The following CPM variants were observed in gnomAD, a reference collection of about 807,000 sequenced individuals.
CPM encodes the protein renal carboxypeptidase.
In CPM, 35 loss-of-function variants were observed where a neutral mutation model predicts 46.4. That is an observed-to-expected ratio of 0.75 (90% confidence interval 0.58 to 1.00). The LOEUF (loss-of-function observed/expected upper bound fraction) is 1.00, where lower values mean the gene tolerates loss of function less well. Among genes scored for constraint, CPM ranks in the 50% least tolerant of loss-of-function variants. The pLI, the probability that CPM is intolerant of heterozygous loss-of-function variation, is 0.00. For synonymous variants in CPM, 195 were observed against 195.3 expected (o/e 1.00, Z 0.01); for missense variants, 422 against 530.4 (o/e 0.80, Z 2.01).
chr12:68,849,232 G>C (rs888233655), downstream of CPM: 4 of 151,658 alleles, frequency 2.6e-5, no homozygotes, highest in Non-Finnish European at 5.9e-5. Flanking sequence ...TAGGATTACA[G>C]GGGTCCACCA....
At chr12:68,932,586 G>A (rs1888554497) in intron 2 of CPM, 92 bp downstream of exon 2, 3 of 1,462,736 alleles carry the variant, frequency 2.1e-6, no homozygotes, top group South Asian at 1.2e-5. Flanking sequence ...GAGTAGGTGC[G>A]TGGAAGAGCA....
At chr12:68,910,982 C>T (rs564890375) in intron 2 of CPM, among the ~76,000 whole-genome samples, 33 of 152,148 alleles carry the variant, frequency 2.2e-4, no homozygotes, top group Admixed American at 1.8e-3. Context: ...AAAAAAAATA[C>T]CTTGTTTTTC....
At chr12:68,959,417 A>C (rs1050402612) in intron 1 of CPM, among the ~76,000 whole-genome samples, 5 of 152,228 alleles carry the variant, frequency 3.3e-5, no homozygotes, top group Admixed American at 2.0e-4. Flanking sequence ...TATTGTAAAA[A>C]AAAAAATTAC....
chr12:68,845,136 T>G (rs1264367673), intron 5 of CPM: 3 of 223,720 alleles, frequency 1.3e-5, no homozygotes, highest in African/African-American at 6.7e-5. Context: ...AAGTTGTTAA[T>G]GGCATTGTGA....
chr12:68,927,114 T>A (rs1440921989), intron 2 of CPM, among the ~76,000 whole-genome samples: 91 of 151,922 alleles, frequency 6.0e-4, no homozygotes, highest in Non-Finnish European at 9.4e-4. Context: ...GTATTTCTAG[T>A]TCTAGATCCC....
intron 2 of CPM, among the ~76,000 whole-genome samples, chr12:68,922,591 C>A (rs1888081880): frequency 6.6e-6 from 1 of 150,746 alleles, no homozygotes; most frequent in South Asian, 2.1e-4. Context: ...AAGCCAGCTC[C>A]AAGGCAATTT....
At chr12:68,893,581 G>A (rs1886745974) in intron 2 of CPM, among the ~76,000 whole-genome samples, 1 of 152,154 alleles carries the variant, frequency 6.6e-6, no homozygotes, top group South Asian at 2.1e-4. Flanking sequence ...TGAAGGGGCT[G>A]GGCTATTTCT....
upstream of CPM, among the ~76,000 whole-genome samples, chr12:68,934,412 T>C (rs1041899167): frequency 6.6e-6 from 1 of 152,198 alleles, no homozygotes; most frequent in East Asian, 1.9e-4. Flanking sequence ...CTTACAGATA[T>C]AGATACTTTT....
intron 2 of CPM, among the ~76,000 whole-genome samples, chr12:68,919,978 A>G (rs1402218652): frequency 6.6e-6 from 1 of 152,202 alleles, no homozygotes; most frequent in African/African-American, 2.4e-5. Flanking sequence ...CGTTTGGGTC[A>G]TGGGAGTGGA....
chr12:68,907,007 A>G (rs1887379915), intron 2 of CPM, among the ~76,000 whole-genome samples: 1 of 152,174 alleles, frequency 6.6e-6, no homozygotes, highest in South Asian at 2.1e-4. Flanking sequence ...CACATCTTAT[A>G]CCTGAAGGCA....
At chr12:68,935,341 G>A (rs1237828419), upstream of CPM, among the ~76,000 whole-genome samples, 3 of 152,036 alleles carry the variant, frequency 2.0e-5, no homozygotes, top group East Asian at 5.8e-4. Context: ...GCTCACTGCA[G>A]CCTCTGCCTT....
At chr12:68,921,460 G>T (rs1317786260) in intron 2 of CPM, among the ~76,000 whole-genome samples, 3 of 152,164 alleles carry the variant, frequency 2.0e-5, no homozygotes, top group Non-Finnish European at 4.4e-5. Flanking sequence ...TCTTAATGAA[G>T]GCAGGGGTGA....
rs781688530 is a variant in CPM at position 68,867,047 on chromosome 12, A to C, written c.789T>G (p.Gly263=). ...TNGYSWYPLQ[G]GMQDYNYIWA... is the part of the protein sequence containing the mutation. ...AGATGTAGTTGTAATCTTGCATTCC[A>C]CCTAAACACAAGCATATTTAATTTT... is the stretch of plus-strand genomic sequence containing the variant. Residue 263 remains glycine, a splice_region_variant and synonymous_variant, in exon 7 of 9, where the codon GGT becomes GGG. Transcript: ENST00000551568. 6 of 1,613,670 alleles carry C rather than the reference A, an allele frequency of 3.7e-6. No individual in the cohort carries two copies. In the African/African-American group the frequency reaches 5.3e-5, roughly 14 times the overall value.
At chr12:68,898,246 CA>C (rs1886968050) in intron 2 of CPM, among the ~76,000 whole-genome samples, 1 of 152,076 alleles carries the variant, frequency 6.6e-6, no homozygotes, top group Admixed American at 6.6e-5. Context: ...CCAGAAAAGA[CA>C]GTTTGTTGGA....
chr12:68,844,422 T>C (rs999132456), intron 5 of CPM: 3 of 227,766 alleles, frequency 1.3e-5, no homozygotes, highest in Non-Finnish European at 1.7e-5. Context: ...AGAAATGCTG[T>C]GTTCTCCCTG....
intron 2 of CPM, among the ~76,000 whole-genome samples, chr12:68,914,731 C>T (rs1485841915): frequency 6.6e-6 from 1 of 152,182 alleles, no homozygotes. Flanking sequence ...TCTGTCTCCT[C>T]ACCTATTGAA....
chr12:68,955,759 C>T (rs1017838079), intron 1 of CPM, among the ~76,000 whole-genome samples: 1 of 152,144 alleles, frequency 6.6e-6, no homozygotes, highest in Non-Finnish European at 1.5e-5. Context: ...GCAGGTAGCT[C>T]CTATCCTCAG....
At chr12:68,907,620 G>A (rs529762424) in intron 2 of CPM, among the ~76,000 whole-genome samples, 1 of 152,266 alleles carries the variant, frequency 6.6e-6, no homozygotes, top group East Asian at 1.9e-4. Flanking sequence ...GGGTAGGTTA[G>A]CCCAGCGGCT....
Position 68,913,834 on chromosome 12 carries a change from G to A in CPM, c.160+18844C>T, listed in dbSNP as rs1043698769. 330 of 644,218 alleles carry A rather than the reference G, an allele frequency of 5.1e-4. 1 individual carries two copies. Among genetic ancestry groups the A allele is most frequent in the Middle Eastern group, 5.5e-4 (2 of 3,632 alleles). The allele number at this position is 644,218 out of a possible 1,614,324, so 39.9% of individuals were successfully genotyped here. A position where few individuals can be genotyped will look rare whatever the true frequency, so the allele number is the denominator to read the frequency against. Reference sequence around the variant, plus strand: ...CAGCATTTGTTTTCCAGAGTATGATGGTAACAACTCCCATGAGGATGCGGG... The same window carrying A: ...CAGCATTTGTTTTCCAGAGTATGATAGTAACAACTCCCATGAGGATGCGGG... On this transcript the variant is annotated intron_variant, in intron 2 of 8. Transcript: ENST00000551568.
Sources: gnomAD v4.1 joint callset for allele counts (sites outside exome capture counted in the v4.1 genomes callset) on GRCh38, gnomAD v4.1.1 for gene constraint, MANE v1.5 for transcripts, NCBI Gene and HGNC (gene_info 2026-07-23, HGNC 2026-07-21) for gene names.